The following CCDC159 variants were observed in gnomAD, a reference collection of about 807,000 sequenced individuals.
CCDC159 encodes the protein coiled-coil domain-containing protein 159.
CCDC159 carries 40 observed loss-of-function variants against 50.9 expected under a neutral mutation model. The observed-to-expected ratio is 0.79, with a 90% CI of 0.61 to 1.02. CCDC159 has a LOEUF of 1.02. Among genes scored for constraint, CCDC159 ranks in the 50% least tolerant of loss-of-function variants. The pLI, the probability that CCDC159 is intolerant of heterozygous loss-of-function variation, is 0.00. For synonymous variants in CCDC159, 146 were observed against 138.9 expected, an observed-to-expected ratio of 1.05 and a Z score of -0.36; for missense variants, 356 against 371.5, an observed-to-expected ratio of 0.96 and a Z score of 0.34.
intron 1 of CCDC159, 174 bp from the exon 2 acceptor site, chr19:11,349,480 C>A: frequency 1.3e-6 from 1 of 747,504 alleles, no homozygotes. Flanking sequence ...GCATATGTAG[C>A]CCAAGGGGGA....
chr19:11,349,696 T>C lies in CCDC159; in HGVS notation c.55+9T>C. 1 of 1,595,874 alleles carries C rather than the reference T, an allele frequency of 6.3e-7. No homozygotes were observed. The highest frequency in any genetic ancestry group is 8.6e-7 in the Non-Finnish European group (1 of 1,164,432). On this transcript the variant is annotated intron_variant, in intron 2 of 10. Transcript: ENST00000458408. Reference sequence around the variant, plus strand: ...CTCTTCCAAAGTCAAAGGTGAGAAATCTCCTTTCCAACAAAACTGTGTGGG... The same window carrying C: ...CTCTTCCAAAGTCAAAGGTGAGAAACCTCCTTTCCAACAAAACTGTGTGGG...
rs1479682663 is a variant in CCDC159 at position 11,346,559 on chromosome 19, G to A, written c.-48G>A. 2.6e-6 allele frequency: 4 copies of A among 1,549,928 alleles called. No homozygotes were observed. Among genetic ancestry groups the A allele is most frequent in the Non-Finnish European group, 3.5e-6 (4 of 1,145,476 alleles). ...CGTTTTAATACGATGGTGTCCCCGC[G>A]GGATCAAACTTCAGCGTCACAGCTG... On this transcript the variant is annotated 5_prime_UTR_variant, in exon 1 of 11. Coordinates refer to ENST00000458408, the MANE Select transcript of CCDC159 (RefSeq NM_001080503.3).
At chr19:11,353,268 C>G (rs745777333) in intron 7 of CCDC159, 183 bp from the exon 8 acceptor site, 41 of 483,310 alleles carry the variant, frequency 8.5e-5, no homozygotes, top group Admixed American at 1.3e-4. Context: ...GCCCGGCTAA[C>G]TTTTTGTATT....
chr19:11,350,239 CGTG>C, intron 4 of CCDC159, 40 bp downstream of exon 4: 1 of 1,556,468 alleles, frequency 6.4e-7, no homozygotes, highest in Non-Finnish European at 8.7e-7. Context: ...CTAGGCCAGG[CGTG>C]GTGGCTCACG....
chr19:11,350,046 C>G lies in CCDC159; in HGVS notation c.144+20C>G. The G allele has an allele frequency of 6.2e-7, 1 of 1,611,538 alleles. No homozygotes were observed. The highest frequency in any genetic ancestry group is 8.5e-7 in the Non-Finnish European group (1 of 1,178,058). On this transcript the variant is annotated intron_variant, in intron 3 of 10. Coordinates refer to ENST00000458408, the MANE Select transcript of CCDC159 (RefSeq NM_001080503.3). ...ACCAAGGTGAACCACCTTGGCCCTG[C>G]CCCCAGCAACCTCTGTTTCTCCTTG...
Position 11,353,848 on chromosome 19 carries a change from C to A in CCDC159, c.746C>A (p.Ala249Asp). 1 of 1,589,508 alleles carries A rather than the reference C, an allele frequency of 6.3e-7. No individual in the cohort carries two copies. Among genetic ancestry groups the A allele is most frequent in the Non-Finnish European group, 8.6e-7 (1 of 1,168,204 alleles). ...GACAGCCTCACTTTGTGCTCGGGGGCCTGTCCCAAGGCCTCGAGCCTAAGA... is the reference window on the plus strand; with the variant it reads ...GACAGCCTCACTTTGTGCTCGGGGGACTGTCCCAAGGCCTCGAGCCTAAGA... ...SIDSLTLCSG[A>D]CPKASSLRGH... is the part of the protein sequence containing the mutation. The change falls in exon 9 of 11, where the codon GCC becomes GAC. Residue 249 changes from alanine to aspartate, a missense_variant. Ala to Asp is a moderately radical substitution (Grantham distance 126, BLOSUM62 -2). Transcript: ENST00000458408.
chr19:11,353,846 G>C lies in CCDC159; in HGVS notation c.744G>C (p.Gly248=). The stretch of plus-strand genomic sequence containing the variant: ...TAGACAGCCTCACTTTGTGCTCGGG[G>C]GCCTGTCCCAAGGCCTCGAGCCTAA... ...NSIDSLTLCS[G]ACPKASSLRG... The change falls in exon 9 of 11, where the codon GGG becomes GGC. Residue 248 remains glycine (G), a synonymous_variant. Transcript: ENST00000458408. The C allele has an allele frequency of 6.3e-7, 1 of 1,591,242 alleles. No individual in the cohort carries two copies. The highest frequency in any genetic ancestry group is 8.6e-7 in the Non-Finnish European group (1 of 1,169,002).
chr19:11,350,086 C>A, intron 3 of CCDC159, 32 bp from the exon 4 acceptor site: 2 of 1,612,554 alleles, frequency 1.2e-6, no homozygotes, highest in Non-Finnish European at 1.7e-6. Context: ...CCCCTCCTTC[C>A]TCCCACCCCA....
Position 11,351,830 on chromosome 19 carries a change from G to A in CCDC159, c.423-76G>A, listed in dbSNP as rs1042028286. The A allele has an allele frequency of 5.2e-6, 7 of 1,339,032 alleles. No homozygotes were observed. In the Admixed American group the frequency reaches 7.9e-5, roughly 15 times the overall value. 82.9% of individuals were successfully genotyped at this position (1,339,032 alleles called of 1,614,324 possible). On this transcript the variant is annotated intron_variant, in intron 5 of 10. Transcript: ENST00000458408. Reference sequence around the variant, plus strand: ...GAGGGGACAGAGCTTGCGGGGATGGGTGGAGGCACAGATAGGGGCATGGGA... The same window carrying A: ...GAGGGGACAGAGCTTGCGGGGATGGATGGAGGCACAGATAGGGGCATGGGA...
At chr19:11,351,209 G>C (rs1967555571) in intron 5 of CCDC159, 2 of 549,002 alleles carry the variant, frequency 3.6e-6, no homozygotes, top group Non-Finnish European at 6.3e-6. Context: ...AGCCGAGATG[G>C]GCGGATCACC....
At chr19:11,347,942 G>T (rs1451721395) in intron 1 of CCDC159, among the ~76,000 whole-genome samples, 1 of 152,198 alleles carries the variant, frequency 6.6e-6, no homozygotes, top group Non-Finnish European at 1.5e-5. Context: ...GAACAGATAT[G>T]CCCTGCCTCT....
intron 7 of CCDC159, chr19:11,352,607 TAA>T (rs560594539): frequency 2.9e-5 from 4 of 136,772 alleles, no homozygotes; most frequent in South Asian, 2.2e-4. Context: ...ACTCCCATCT[TAA>T]AAAAAAAAAA....
rs772197158 is a variant in CCDC159, at chr19:11,353,448, C to A, written c.568-3C>A. The A allele has an allele frequency of 6.4e-7, 1 of 1,568,576 alleles. No individual in the cohort carries two copies. Among genetic ancestry groups the A allele is most frequent in the South Asian group, 1.2e-5 (1 of 85,494 alleles). On this transcript the variant is annotated splice_polypyrimidine_tract_variant and splice_region_variant and intron_variant, in intron 7 of 10. Transcript: ENST00000458408. Reference sequence around the variant, plus strand: ...GCTGTTCTCTCATCCCTCCCCACCCCAGATCCTGACCAAGATGAAGCAGCA... The same window carrying A: ...GCTGTTCTCTCATCCCTCCCCACCCAAGATCCTGACCAAGATGAAGCAGCA...
intron 1 of CCDC159, chr19:11,349,363 T>A (rs1967445542): frequency 2.0e-6 from 1 of 494,604 alleles, no homozygotes; most frequent in Non-Finnish European, 3.6e-6. Flanking sequence ...GCTAAGCAAG[T>A]CTTAAATGAA....
intron 1 of CCDC159, 168 bp from the exon 2 acceptor site, chr19:11,349,486 G>T: frequency 1.3e-6 from 1 of 775,068 alleles, no homozygotes; most frequent in Non-Finnish European, 2.1e-6. Flanking sequence ...GTAGCCCAAG[G>T]GGGAGGTGCA....
chr19:11,353,530 G>T lies in CCDC159; in HGVS notation c.647G>T (p.Gly216Val). ...GAAGAGATACCGCAGGGAGCCAGTG[G>T]CTGCTGGAAGGATGACCTCCAGAAG... is the stretch of plus-strand genomic sequence containing the variant. ...ETEEIPQGAS[G>V]CWKDDLQKEL... Residue 216 changes from glycine (G) to valine (V), a missense_variant, in exon 8 of 11, where the codon GGC becomes GTC. Coordinates refer to ENST00000458408, the MANE Select transcript of CCDC159 (RefSeq NM_001080503.3). The T allele has an allele frequency of 6.2e-7, 1 of 1,613,552 alleles. No homozygotes were observed. The highest frequency in any genetic ancestry group is 1.1e-5 in the South Asian group (1 of 90,980).
At chr19:11,348,214 T>C (rs761442666) in intron 1 of CCDC159, 9 of 447,550 alleles carry the variant, frequency 2.0e-5, no homozygotes, top group South Asian at 4.8e-5. Flanking sequence ...TGAGGCCTGA[T>C]TTTTTTTCTT....
chr19:11,348,879 G>C, intron 1 of CCDC159: 1 of 871,686 alleles, frequency 1.1e-6, no homozygotes, highest in Non-Finnish European at 1.7e-6. Context: ...GTTAGTTAGG[G>C]GGCTCCCATA....
chr19:11,354,554 A>T (rs1346798903), intron 9 of CCDC159, 26 bp from the exon 10 acceptor site: 2 of 1,553,012 alleles, frequency 1.3e-6, no homozygotes, highest in East Asian at 4.8e-5. Context: ...TGAGGGTCAC[A>T]TTCAGGGAAC....
Sources: allele counts gnomAD v4.1 joint callset (sites outside exome capture counted in the v4.1 genomes callset), GRCh38; gene constraint gnomAD v4.1.1; transcripts MANE v1.5; gene names NCBI Gene and HGNC (gene_info 2026-07-23, HGNC 2026-07-21).